NALF1: variants seen among roughly 807,000 people sequenced by gnomAD.
NALF1 encodes the protein family with sequence similarity 155 member A.
NALF1 carries 3 observed loss-of-function variants against 48.4 expected under a neutral mutation model. That is an observed-to-expected ratio of 0.06 (90% CI 0.03 to 0.16). NALF1 has a LOEUF of 0.16. NALF1 is among the 10% of genes least tolerant of loss of function. The pLI is 1.00. For synonymous variants in NALF1, 262 were observed against 245.7 expected (o/e 1.07, Z -0.62); for missense variants, 526 against 571.5 (o/e 0.92, Z 0.81).
chr13:107,316,204 A>C (rs1258402436), intron 1 of NALF1, among the ~76,000 whole-genome samples: 1 of 152,124 alleles, frequency 6.6e-6, no homozygotes, highest in Non-Finnish European at 1.5e-5. Context: ...AGCTTCATCC[A>C]TGTCCCTACA....
At chr13:107,481,888 A>T (rs966250809) in intron 1 of NALF1, among the ~76,000 whole-genome samples, 9 of 152,182 alleles carry the variant, frequency 5.9e-5, no homozygotes, top group Non-Finnish European at 1.2e-4. Flanking sequence ...CATAAGCTTT[A>T]GTAGAAGTAG....
intron 1 of NALF1, among the ~76,000 whole-genome samples, chr13:107,606,658 G>A (rs779162047): frequency 3.3e-5 from 5 of 151,998 alleles, no homozygotes; most frequent in Non-Finnish European, 5.9e-5. Context: ...GAGCCACTGC[G>A]CCTGGCACCT....
At chr13:107,616,107 G>A (rs1879371891) in intron 1 of NALF1, among the ~76,000 whole-genome samples, 1 of 152,158 alleles carries the variant, frequency 6.6e-6, no homozygotes, top group African/African-American at 2.4e-5. Context: ...TGAAGATAAA[G>A]AAGATGTGAA....
chr13:107,662,350 A>G (rs757332537), intron 1 of NALF1, among the ~76,000 whole-genome samples: 3 of 152,194 alleles, frequency 2.0e-5, no homozygotes, highest in Non-Finnish European at 2.9e-5. Context: ...ACATGTTGCT[A>G]AGACAGAATA....
At chr13:107,629,779 C>A (rs916495501) in intron 1 of NALF1, among the ~76,000 whole-genome samples, 2 of 152,062 alleles carry the variant, frequency 1.3e-5, no homozygotes. Flanking sequence ...GAAAGATATT[C>A]TCTTAAATAT....
intron 1 of NALF1, among the ~76,000 whole-genome samples, chr13:107,639,012 A>G (rs1880070906): frequency 6.6e-6 from 1 of 150,548 alleles, no homozygotes; most frequent in Non-Finnish European, 1.5e-5. Flanking sequence ...GAGCTCAATA[A>G]AGAATTGCTG....
At chr13:107,247,094 T>C (rs1280824309) in intron 1 of NALF1, among the ~76,000 whole-genome samples, 1 of 152,216 alleles carries the variant, frequency 6.6e-6, no homozygotes, top group Non-Finnish European at 1.5e-5. Flanking sequence ...ACCCAATTTG[T>C]ATTTTAATTA....
intron 1 of NALF1, among the ~76,000 whole-genome samples, chr13:107,803,851 G>A (rs537517101): frequency 5.3e-5 from 8 of 152,232 alleles, no homozygotes; most frequent in Admixed American, 3.3e-4. Context: ...CTTGCCCAAG[G>A]ACACACAGGT....
At chr13:107,816,134 AAACT>A (rs1307930340) in intron 1 of NALF1, among the ~76,000 whole-genome samples, 2 of 152,160 alleles carry the variant, frequency 1.3e-5, no homozygotes, top group East Asian at 3.9e-4. Context: ...GCAAACCTGT[AAACT>A]AACTAAACTC....
At chr13:107,325,618 A>T (rs1175267131) in intron 1 of NALF1, among the ~76,000 whole-genome samples, 4 of 151,746 alleles carry the variant, frequency 2.6e-5, no homozygotes, top group African/African-American at 9.7e-5. Flanking sequence ...CGGGTAGATC[A>T]CTTGAGGTCA....
intron 1 of NALF1, among the ~76,000 whole-genome samples, chr13:107,662,808 G>A (rs893455257): frequency 8.5e-5 from 13 of 152,182 alleles, no homozygotes; most frequent in South Asian, 2.1e-4. Flanking sequence ...AGACACTCTC[G>A]TTTTACAGAG....
At chr13:107,743,875 T>A (rs765212930) in intron 1 of NALF1, among the ~76,000 whole-genome samples, 7 of 152,214 alleles carry the variant, frequency 4.6e-5, no homozygotes, top group Non-Finnish European at 1.0e-4. Flanking sequence ...GGAGTCTTAA[T>A]GATTTCTTTA....
At chr13:107,407,509 G>C (rs1023643154) in intron 1 of NALF1, among the ~76,000 whole-genome samples, 9 of 152,030 alleles carry the variant, frequency 5.9e-5, no homozygotes, top group Non-Finnish European at 1.3e-4. Context: ...ATGAAAAGGT[G>C]CTCAACATCA....
intron 1 of NALF1, among the ~76,000 whole-genome samples, chr13:107,245,983 C>G (rs538498777): frequency 6.6e-6 from 1 of 152,170 alleles, no homozygotes; most frequent in East Asian, 1.9e-4. Flanking sequence ...CACTACCTTT[C>G]TCCACAAATC....
At chr13:107,703,745 C>G (rs1447124950) in intron 1 of NALF1, among the ~76,000 whole-genome samples, 3 of 152,078 alleles carry the variant, frequency 2.0e-5, no homozygotes, top group Non-Finnish European at 4.4e-5. Flanking sequence ...CCCCCGGAGT[C>G]CTTCAGTCTG....
intron 1 of NALF1, among the ~76,000 whole-genome samples, chr13:107,418,831 C>T (rs763221044): frequency 2.1e-4 from 32 of 152,242 alleles, no homozygotes; most frequent in Non-Finnish European, 4.1e-4. Context: ...ACCCCTGAAA[C>T]ACAAATCACT....
chr13:107,355,297 G>C (rs1008629497), intron 1 of NALF1, among the ~76,000 whole-genome samples: 1 of 152,192 alleles, frequency 6.6e-6, no homozygotes. Flanking sequence ...AAAAAGAAGG[G>C]AGGAGGGCAA....
At position 107,164,193 on chromosome 13, in the gene NALF1, A is replaced by C. The variant is rs1878613394; in HGVS notation, c.*6304T>G. On this transcript the variant is annotated 3_prime_UTR_variant, in exon 3 of 3. Coordinates refer to ENST00000375915, the MANE Select transcript of NALF1 (RefSeq NM_001080396.3). Reference sequence around the variant, plus strand: ...TTACCTGGTCTTCACTGAAGTTGTAAATTTATTTCACTGATCCTTCTCGCC... The same window carrying C: ...TTACCTGGTCTTCACTGAAGTTGTACATTTATTTCACTGATCCTTCTCGCC... 6.6e-6 allele frequency: 1 copy of C among 152,134 alleles called. No homozygotes were observed. Among genetic ancestry groups the C allele is most frequent in the Non-Finnish European group, 1.5e-5 (1 of 68,028 alleles). 9.4% of individuals were successfully genotyped at this position (152,134 alleles called of 1,614,324 possible).
At chr13:107,779,458 T>C (rs1877824878) in intron 1 of NALF1, among the ~76,000 whole-genome samples, 1 of 152,216 alleles carries the variant, frequency 6.6e-6, no homozygotes, top group Non-Finnish European at 1.5e-5. Context: ...CCAAATCGGA[T>C]CCAGTGGCTT....
Sources: allele counts gnomAD v4.1 joint callset (sites outside exome capture counted in the v4.1 genomes callset), GRCh38; gene constraint gnomAD v4.1.1; transcripts MANE v1.5; gene names NCBI Gene and HGNC (gene_info 2026-07-23, HGNC 2026-07-21).